The following ARMH3 variants were observed in gnomAD, a reference collection of about 807,000 sequenced individuals.
ARMH3 encodes armadillo like helical domain containing 3.
ARMH3 carries 60 observed loss-of-function variants against 99.1 expected under a neutral mutation model. That is an observed-to-expected ratio of 0.61 (90% CI 0.49 to 0.75). ARMH3 has a LOEUF of 0.75. Ranked by LOEUF, ARMH3 falls within the 30% of genes least tolerant of loss-of-function variation. The probability of loss-of-function intolerance (pLI) is 0.00; values close to 1 mark genes in which losing one functional copy is unlikely to be tolerated. For synonymous variants in ARMH3, 285 were observed against 292.8 expected (o/e 0.97, Z 0.27); for missense variants, 679 against 843.1 (o/e 0.81, Z 2.41).
At chr10:101,865,085 G>A (rs1173688909) in intron 24 of ARMH3, among the ~76,000 whole-genome samples, 1 of 151,826 alleles carries the variant, frequency 6.6e-6, no homozygotes, top group Non-Finnish European at 1.5e-5. Context: ...GCATGGTGGT[G>A]GGCGCCTGTA....
chr10:101,974,389 T>C (rs1335419057), intron 20 of ARMH3, among the ~76,000 whole-genome samples: 1 of 152,170 alleles, frequency 6.6e-6, no homozygotes. Flanking sequence ...AGCTCTCCCA[T>C]GGGTGGGCAA....
At chr10:102,006,686 G>T in intron 13 of ARMH3, 53 bp from the exon 14 acceptor site, 2 of 1,533,538 alleles carry the variant, frequency 1.3e-6, no homozygotes, top group Non-Finnish European at 1.8e-6. Context: ...TTCTCCCTGA[G>T]TATCAAGTGC....
chr10:101,987,822 C>T (rs1317114626), intron 19 of ARMH3, among the ~76,000 whole-genome samples: 1 of 152,072 alleles, frequency 6.6e-6, no homozygotes, highest in Non-Finnish European at 1.5e-5. Flanking sequence ...ATTTTTGAGC[C>T]CCAGTAGAAT....
intron 19 of ARMH3, among the ~76,000 whole-genome samples, chr10:101,981,037 C>A (rs1454573521): frequency 1.4e-5 from 2 of 145,614 alleles, no homozygotes; most frequent in Middle Eastern, 3.5e-3. Context: ...GAGAGGGGAA[C>A]AACACACACT....
At chr10:102,009,552 C>T (rs1273895534) in intron 12 of ARMH3, 103 bp from the exon 13 acceptor site, 8 of 1,009,340 alleles carry the variant, frequency 7.9e-6, no homozygotes, top group Non-Finnish European at 1.2e-5. Context: ...GCCTCATTAT[C>T]AATTCCTTTG....
At chr10:101,942,801 A>C (rs1010106076) in intron 22 of ARMH3, among the ~76,000 whole-genome samples, 2 of 151,720 alleles carry the variant, frequency 1.3e-5, no homozygotes, top group Non-Finnish European at 1.5e-5. Context: ...TGGAGGCACA[A>C]GTTGCAGTGA....
intron 22 of ARMH3, among the ~76,000 whole-genome samples, chr10:101,944,496 A>G (rs1489039140): frequency 6.6e-6 from 1 of 151,928 alleles, no homozygotes; most frequent in East Asian, 1.9e-4. Flanking sequence ...ATTGTTGAAA[A>G]CCAATGATAA....
Position 102,029,763 on chromosome 10 carries a change from A to T in ARMH3, c.307-18T>A, listed in dbSNP as rs1374844837. ...CACAGGGTCTGCAGAAATGAGAGAA[A>T]GAATTCTTTCTGGAGAGGAAGTCTC... On this transcript the variant is annotated intron_variant, in intron 4 of 25. Transcript: ENST00000370033. The T allele has an allele frequency of 5.6e-6, 9 of 1,604,756 alleles. No homozygotes were observed. The East Asian group carries it at 1.8e-4, about 32-fold the overall frequency.
At chr10:102,047,478 G>A in intron 1 of ARMH3, among the ~76,000 whole-genome samples, 1 of 150,422 alleles carries the variant, frequency 6.6e-6, no homozygotes, top group East Asian at 2.0e-4. Context: ...CCATTCTATT[G>A]AACCAAACTT....
At chr10:101,987,898 G>T (rs1846585354) in intron 19 of ARMH3, among the ~76,000 whole-genome samples, 1 of 151,942 alleles carries the variant, frequency 6.6e-6, no homozygotes, top group Admixed American at 6.6e-5. Flanking sequence ...AAGCCTTAAG[G>T]TTTTTTTTAA....
intron 22 of ARMH3, among the ~76,000 whole-genome samples, chr10:101,955,027 A>G (rs991086259): frequency 6.6e-6 from 1 of 152,204 alleles, no homozygotes; most frequent in Non-Finnish European, 1.5e-5. Flanking sequence ...AATGAGTGCT[A>G]AAACCTCTGG....
chr10:101,979,096 T>G (rs1372472868), intron 19 of ARMH3, among the ~76,000 whole-genome samples: 1 of 152,054 alleles, frequency 6.6e-6, no homozygotes, highest in Non-Finnish European at 1.5e-5. Context: ...ATTGCACCAC[T>G]GCACCCCAGC....
At chr10:101,985,594 G>C (rs1276720708) in intron 19 of ARMH3, among the ~76,000 whole-genome samples, 1 of 151,846 alleles carries the variant, frequency 6.6e-6, no homozygotes, top group Non-Finnish European at 1.5e-5. Flanking sequence ...CAAGCCTGTA[G>C]TCCTAGTTAC....
At chr10:102,055,848 G>C (rs887487303) in intron 1 of ARMH3, among the ~76,000 whole-genome samples, 3 of 152,210 alleles carry the variant, frequency 2.0e-5, no homozygotes, top group African/African-American at 7.2e-5. Context: ...CGAGGGACCG[G>C]CCGCTGGAAG....
chr10:101,954,052 C>T (rs1310554713), intron 22 of ARMH3, among the ~76,000 whole-genome samples: 1 of 152,046 alleles, frequency 6.6e-6, no homozygotes, highest in East Asian at 1.9e-4. Flanking sequence ...ATGACCCAGG[C>T]GTGGTGGCAT....
intron 6 of ARMH3, among the ~76,000 whole-genome samples, chr10:102,024,025 T>C (rs1473096666): frequency 6.6e-6 from 1 of 152,232 alleles, no homozygotes; most frequent in African/African-American, 2.4e-5. Context: ...TTGGGTTTCA[T>C]TCCTCAAGTG....
At chr10:102,011,694 T>G in intron 11 of ARMH3, 29 bp downstream of exon 11, 1 of 1,573,060 alleles carries the variant, frequency 6.4e-7, no homozygotes, top group African/African-American at 1.4e-5. Context: ...TCTGTTTTTT[T>G]CAGGAGAAAA....
chr10:101,963,553 G>A (rs979050405), intron 20 of ARMH3, among the ~76,000 whole-genome samples: 8 of 152,166 alleles, frequency 5.3e-5, no homozygotes, highest in African/African-American at 1.9e-4. Flanking sequence ...TTACAGGCAT[G>A]AGCCACTGTG....
At chr10:101,995,225 G>C (rs1847000657) in intron 16 of ARMH3, 72 bp downstream of exon 16, 1 of 1,286,110 alleles carries the variant, frequency 7.8e-7, no homozygotes, top group Non-Finnish European at 1.1e-6. Context: ...GACAGTAATG[G>C]GGTGAGGGGA....
Sources: gnomAD v4.1 joint callset for allele counts (sites outside exome capture counted in the v4.1 genomes callset) on GRCh38, gnomAD v4.1.1 for gene constraint, MANE v1.5 for transcripts, NCBI Gene and HGNC (gene_info 2026-07-23, HGNC 2026-07-21) for gene names.